The following TNIP1 variants were observed in gnomAD, a reference collection of about 807,000 sequenced individuals.
TNIP1 encodes the protein TNFAIP3-interacting protein 1.
In TNIP1, 22 loss-of-function variants were observed where a neutral mutation model predicts 86.6. That is an observed-to-expected ratio of 0.25 (90% CI 0.18 to 0.36). The LOEUF (loss-of-function observed/expected upper bound fraction) is 0.36, where lower values mean the gene tolerates loss of function less well. Among genes scored for constraint, TNIP1 ranks in the 10% least tolerant of loss-of-function variants. The pLI, the probability that TNIP1 is intolerant of heterozygous loss-of-function variation, is 1.00. For missense variants in TNIP1, 709 were observed against 820.6 expected, an observed-to-expected ratio of 0.86 and a Z score of 1.66; for synonymous variants, 294 against 313.0, an observed-to-expected ratio of 0.94 and a Z score of 0.64.
intron 5 of TNIP1, 106 bp downstream of exon 5, chr5:151,060,212 G>A: frequency 8.3e-7 from 1 of 1,198,494 alleles, no homozygotes; most frequent in East Asian, 2.4e-5. Flanking sequence ...AGTGACTCCA[G>A]GGTACCTAAG....
Position 151,045,945 on chromosome 5 carries a change from A to G in TNIP1, c.852T>C (p.Ser284=). Residue 284 remains serine, a synonymous_variant, in exon 9 of 18, where the codon AGT becomes AGC. Coordinates refer to ENST00000521591, the MANE Select transcript of TNIP1 (RefSeq NM_006058.5). ...KKAVAGQQQA[S]VTAGKVPEVV... ...CCTCTGGGACCTTACCTGCCGTCAC[A>G]CTAGCCTGGGGAGAAGCACAGAGGA... 1.2e-6 allele frequency: 2 copies of G among 1,613,984 alleles called. No homozygotes were observed. The highest frequency in any genetic ancestry group is 1.7e-6 in the Non-Finnish European group (2 of 1,179,990).
intron 14 of TNIP1, 109 bp downstream of exon 14, chr5:151,035,473 G>T: frequency 6.6e-7 from 1 of 1,506,712 alleles, no homozygotes; most frequent in Non-Finnish European, 9.1e-7. Context: ...CAGAGCTGGA[G>T]AGAAGCAGTG....
intron 2 of TNIP1, 137 bp from the exon 3 acceptor site, chr5:151,063,884 T>C: frequency 3.6e-6 from 4 of 1,123,914 alleles, no homozygotes; most frequent in South Asian, 1.6e-5. Context: ...ACCGTTGCTC[T>C]GTGGGCCAAG....
chr5:151,077,229 C>G (rs973645432), intron 1 of TNIP1, among the ~76,000 whole-genome samples: 3 of 152,136 alleles, frequency 2.0e-5, no homozygotes, highest in African/African-American at 7.2e-5. Flanking sequence ...CCCCCTACCC[C>G]GTGATAGTGA....
intron 8 of TNIP1, among the ~76,000 whole-genome samples, chr5:151,048,008 GC>G (rs1011603289): frequency 5.7e-4 from 87 of 152,192 alleles, no homozygotes; most frequent in Admixed American, 9.8e-4. Context: ...TGCAGAGCTT[GC>G]CCCCTACAGG....
intron 4 of TNIP1, among the ~76,000 whole-genome samples, chr5:151,061,750 T>G (rs776438109): frequency 1.6e-4 from 25 of 152,216 alleles, no homozygotes; most frequent in Non-Finnish European, 2.8e-4. Flanking sequence ...AGTGCTGGGA[T>G]TATAGGCATG....
chr5:151,030,748 C>CT lies in TNIP1; in HGVS notation c.1877-2dup. The CT allele has an allele frequency of 5.6e-6, 9 of 1,602,038 alleles. No individual in the cohort carries two copies. Among genetic ancestry groups the CT allele is most frequent in the Non-Finnish European group, 7.7e-6 (9 of 1,176,444 alleles). ...CCCTCACGGTCATTTTTTGGAGACT[C>CT]TAAATAAACAAAAATTTTGAGGACT... On this transcript the variant is annotated splice_acceptor_variant, in intron 17 of 17. Coordinates refer to ENST00000521591, the MANE Select transcript of TNIP1 (RefSeq NM_006058.5). LOFTEE classifies it high-confidence loss of function.
intron 3 of TNIP1, 146 bp downstream of exon 3, chr5:151,063,467 C>A: frequency 1.6e-6 from 2 of 1,251,364 alleles, no homozygotes; most frequent in Non-Finnish European, 2.2e-6. Flanking sequence ...GGGGATGTGG[C>A]AGCCAAAACA....
chr5:151,039,114 T>A lies in TNIP1; in HGVS notation c.1246A>T (p.Ile416Phe). 6.2e-7 allele frequency: 1 copy of A among 1,613,704 alleles called. No individual in the cohort carries two copies. The highest frequency in any genetic ancestry group is 8.5e-7 in the Non-Finnish European group (1 of 1,179,824). Reference sequence around the variant, plus strand: ...GCACCCACCTTGTTGAGCCGCTGGATCTCCTTTTCCTGGTACTCACGCTGT... The same window carrying A: ...GCACCCACCTTGTTGAGCCGCTGGAACTCCTTTTCCTGGTACTCACGCTGT... ...TRQREYQEKEIQRLNKALEEA... is the reference protein window; with the variant it reads ...TRQREYQEKEFQRLNKALEEA... The change falls in exon 12 of 18, where the codon ATC becomes TTC. Residue 416 changes from isoleucine to phenylalanine, a missense_variant. Coordinates refer to ENST00000521591, the MANE Select transcript of TNIP1 (RefSeq NM_006058.5).
intron 5 of TNIP1, among the ~76,000 whole-genome samples, chr5:151,057,869 GTATAGGT>G (rs776745409): frequency 6.6e-6 from 1 of 152,172 alleles, no homozygotes; most frequent in Non-Finnish European, 1.5e-5. Context: ...AGGAGGATGT[GTATAGGT>G]TATAGGGAAC....
intron 11 of TNIP1, among the ~76,000 whole-genome samples, 155 bp downstream of exon 11, chr5:151,042,385 T>G (rs542016947): frequency 2.0e-5 from 3 of 152,210 alleles, no homozygotes; most frequent in East Asian, 1.9e-4. Flanking sequence ...GAAACTGCAG[T>G]GCAGGGAAGG....
chr5:151,083,860 A>G (rs1362288183), upstream of TNIP1, among the ~76,000 whole-genome samples: 2 of 152,208 alleles, frequency 1.3e-5, no homozygotes, highest in African/African-American at 2.4e-5. Flanking sequence ...TAAAAGCATT[A>G]AAAGGTAACA....
In TNIP1 at chr5:151,042,914, C is replaced by T; in HGVS notation, c.984G>A (p.Lys328=). Residue 328 remains lysine, a synonymous_variant, in exon 10 of 18, where the codon AAG becomes AAA. Coordinates refer to ENST00000521591, the MANE Select transcript of TNIP1 (RefSeq NM_006058.5). ...KQWDQHFRSM[K]QQYEQKITEL... is the part of the protein sequence containing the mutation. The stretch of plus-strand genomic sequence containing the variant: ...ACATTACCTTCTGCTCATACTGCTG[C>T]TTCATGGACCGGAAATGCTGGTCCC... 3 of 1,614,122 alleles carry T rather than the reference C, an allele frequency of 1.9e-6. No individual in the cohort carries two copies. Among genetic ancestry groups the T allele is most frequent in the Non-Finnish European group, 1.7e-6 (2 of 1,180,038 alleles).
chr5:151,039,071 C>A, intron 12 of TNIP1, 26 bp downstream of exon 12: 1 of 1,604,898 alleles, frequency 6.2e-7, no homozygotes. Context: ...GGAGCCCAGC[C>A]AAGGGACCCG....
At chr5:151,035,099 C>A (rs143643644) in intron 14 of TNIP1, 32 bp from the exon 15 acceptor site, 1 of 1,606,962 alleles carries the variant, frequency 6.2e-7, no homozygotes, top group Non-Finnish European at 8.5e-7. Context: ...AAAAGACTGT[C>A]GGCACAGGTG....
intron 12 of TNIP1, among the ~76,000 whole-genome samples, chr5:151,038,139 A>G (rs966605642): frequency 6.6e-6 from 1 of 152,174 alleles, no homozygotes; most frequent in African/African-American, 2.4e-5. Flanking sequence ...CTTTCTCTGG[A>G]AACAGGTCAA....
chr5:151,085,388 C>G (rs13159559), upstream of TNIP1, among the ~76,000 whole-genome samples: 3,925 of 152,302 alleles, frequency 0.026, 67 homozygotes, highest in South Asian at 0.062. Context: ...TCCAGGAGGA[C>G]CCCAAGGCCT....
At chr5:151,085,154 C>G (rs973925994), upstream of TNIP1, among the ~76,000 whole-genome samples, 2 of 152,214 alleles carry the variant, frequency 1.3e-5, no homozygotes, top group South Asian at 4.1e-4. Context: ...GAGACCGTCA[C>G]GCAGAGGATA....
intron 11 of TNIP1, among the ~76,000 whole-genome samples, chr5:151,039,745 C>T (rs1758181301): frequency 6.6e-6 from 1 of 152,262 alleles, no homozygotes; most frequent in Non-Finnish European, 1.5e-5. Flanking sequence ...GACACTGCAG[C>T]TCATACAGCC....
Sources: gnomAD v4.1 joint callset for allele counts (sites outside exome capture counted in the v4.1 genomes callset) on GRCh38, gnomAD v4.1.1 for gene constraint, MANE v1.5 for transcripts, NCBI Gene and HGNC (gene_info 2026-07-23, HGNC 2026-07-21) for gene names.